The following FAR2 variants were observed in gnomAD, a reference collection of about 807,000 sequenced individuals.
FAR2 encodes the protein epididymis secretory protein Li 81.
In FAR2, 19 loss-of-function variants were observed where a neutral mutation model predicts 56.0. The ratio of observed to expected loss-of-function variants is 0.34; its 90% CI spans 0.24 to 0.50. The LOEUF is 0.50. Among genes scored for constraint, FAR2 ranks in the 20% least tolerant of loss-of-function variants. FAR2 has a pLI of 0.98. For missense variants in FAR2, 508 were observed against 642.2 expected, an observed-to-expected ratio of 0.79 and a Z score of 2.26; for synonymous variants, 219 against 218.8, an observed-to-expected ratio of 1.00 and a Z score of -0.01.
At position 29,316,935 on chromosome 12, in the gene FAR2, G is replaced by A. The variant is rs770064031; in HGVS notation, c.1050G>A (p.Gln350=). Reference sequence around the variant, plus strand: ...TTACCAGCAACAGCTTCACATCACAGTACTGGAATGCGGTCAGCCACCGGG... The same window carrying A: ...TTACCAGCAACAGCTTCACATCACAATACTGGAATGCGGTCAGCCACCGGG... The part of the protein sequence containing the change: ...ANFTSNSFTS[Q]YWNAVSHRAP... Residue 350 remains glutamine, a synonymous_variant, in exon 9 of 12, where the codon CAG becomes CAA. Transcript: ENST00000536681. 1 of 1,614,062 alleles carries A rather than the reference G, an allele frequency of 6.2e-7. No individual in the cohort carries two copies. The highest frequency in any genetic ancestry group is 8.5e-7 in the Non-Finnish European group (1 of 1,179,988).
chr12:29,254,122 A>G (rs1948277382), intron 1 of FAR2, among the ~76,000 whole-genome samples: 1 of 152,212 alleles, frequency 6.6e-6, no homozygotes, highest in South Asian at 2.1e-4. Context: ...TGCTAATCCA[A>G]TTAGTGAGGG....
intron 1 of FAR2, among the ~76,000 whole-genome samples, chr12:29,250,183 T>G (rs541788036): frequency 6.9e-6 from 1 of 144,430 alleles, no homozygotes; most frequent in South Asian, 2.2e-4. Context: ...AGTGTTTAGT[T>G]GGTCAGGGTA....
intron 1 of FAR2, among the ~76,000 whole-genome samples, chr12:29,202,266 C>T (rs1947426330): frequency 6.6e-6 from 1 of 152,158 alleles, no homozygotes; most frequent in Non-Finnish European, 1.5e-5. Flanking sequence ...TTCAAAGCTG[C>T]TTTCCAAAAA....
At chr12:29,261,932 A>T (rs1948425459) in intron 1 of FAR2, among the ~76,000 whole-genome samples, 1 of 152,256 alleles carries the variant, frequency 6.6e-6, no homozygotes, top group African/African-American at 2.4e-5. Context: ...CAGTTCTTCA[A>T]TCTGAGAGAA....
At chr12:29,152,100 AATTT>A (rs1949685793) in intron 1 of FAR2, among the ~76,000 whole-genome samples, 1 of 152,218 alleles carries the variant, frequency 6.6e-6, no homozygotes, top group Non-Finnish European at 1.5e-5. Flanking sequence ...ACAAAATTAG[AATTT>A]TCAACTAAAG....
chr12:29,154,267 CTA>C (rs1423129619), intron 1 of FAR2, among the ~76,000 whole-genome samples: 1 of 152,030 alleles, frequency 6.6e-6, no homozygotes, highest in African/African-American at 2.4e-5. Flanking sequence ...TCTGCCTTGT[CTA>C]TAGCAGTTTT....
intron 1 of FAR2, among the ~76,000 whole-genome samples, chr12:29,209,096 A>G (rs1947511946): frequency 6.6e-6 from 1 of 151,800 alleles, no homozygotes; most frequent in Admixed American, 6.6e-5. Flanking sequence ...AAAAAAAAAA[A>G]GTACTACACA....
chr12:29,240,927 T>C (rs1159611855), intron 1 of FAR2, among the ~76,000 whole-genome samples: 2 of 152,102 alleles, frequency 1.3e-5, no homozygotes, highest in Admixed American at 1.3e-4. Context: ...TGCCTCAGCC[T>C]CCTGAGTAGC....
At chr12:29,150,184 C>G (rs1384564380) in intron 1 of FAR2, among the ~76,000 whole-genome samples, 1 of 152,198 alleles carries the variant, frequency 6.6e-6, no homozygotes, top group African/African-American at 2.4e-5. Context: ...AGTAGAATTA[C>G]CCGCGGGGCA....
At chr12:29,154,378 G>C (rs544159060) in intron 1 of FAR2, among the ~76,000 whole-genome samples, 2 of 151,674 alleles carry the variant, frequency 1.3e-5, no homozygotes, top group South Asian at 2.1e-4. Flanking sequence ...AGAAACTCTT[G>C]ATTTAACCTA....
chr12:29,262,917 A>G (rs1948447112), intron 1 of FAR2, among the ~76,000 whole-genome samples: 1 of 152,216 alleles, frequency 6.6e-6, no homozygotes. Context: ...CTTCACCTAT[A>G]AAGATACACA....
intron 1 of FAR2, among the ~76,000 whole-genome samples, chr12:29,200,950 A>G (rs1179249442): frequency 6.6e-6 from 1 of 152,202 alleles, no homozygotes; most frequent in African/African-American, 2.4e-5. Context: ...ACACAGCTGG[A>G]CTGGCAGAGG....
chr12:29,248,833 T>C (rs1410768015), intron 1 of FAR2, among the ~76,000 whole-genome samples: 2 of 152,228 alleles, frequency 1.3e-5, no homozygotes, highest in Non-Finnish European at 2.9e-5. Flanking sequence ...TGTTCCTTGC[T>C]GAGAAAAAGA....
chr12:29,320,298 T>C (rs1455638210), intron 9 of FAR2, among the ~76,000 whole-genome samples: 1 of 152,218 alleles, frequency 6.6e-6, no homozygotes, highest in Non-Finnish European at 1.5e-5. Context: ...GTACATCCAA[T>C]GATATCATGT....
intron 1 of FAR2, among the ~76,000 whole-genome samples, chr12:29,185,205 G>C (rs1209139230): frequency 2.0e-5 from 3 of 152,276 alleles, no homozygotes; most frequent in Middle Eastern, 3.4e-3. Context: ...ACAAAAGGCA[G>C]CATATGGTTA....
chr12:29,220,694 T>A (rs4931168), intron 1 of FAR2, among the ~76,000 whole-genome samples: 60,801 of 151,912 alleles, frequency 0.4, 13,772 homozygotes, highest in Admixed American at 0.54. Context: ...ACCAGTGGGA[T>A]ATCCATACGA....
chr12:29,210,605 G>A (rs1310531996), intron 1 of FAR2, among the ~76,000 whole-genome samples: 2 of 152,242 alleles, frequency 1.3e-5, no homozygotes, highest in African/African-American at 4.8e-5. Context: ...CATATTCATT[G>A]TGATGCCAGT....
intron 1 of FAR2, among the ~76,000 whole-genome samples, chr12:29,208,341 T>C (rs1000670897): frequency 3.9e-5 from 6 of 152,196 alleles, no homozygotes; most frequent in African/African-American, 1.4e-4. Context: ...AGACACAGGC[T>C]AGACAGGGCA....
intron 1 of FAR2, among the ~76,000 whole-genome samples, chr12:29,208,985 C>G (rs1396941720): frequency 6.6e-6 from 1 of 151,616 alleles, no homozygotes; most frequent in Non-Finnish European, 1.5e-5. Context: ...TGAAGACACA[C>G]AGACTACTCA....
Sources: gnomAD v4.1 joint callset for allele counts (sites outside exome capture counted in the v4.1 genomes callset) on GRCh38, gnomAD v4.1.1 for gene constraint, MANE v1.5 for transcripts, NCBI Gene and HGNC (gene_info 2026-07-23, HGNC 2026-07-21) for gene names.